The following RAB23 variants were observed in gnomAD, a reference collection of about 807,000 sequenced individuals.
The protein encoded by RAB23 is RAB23, member RAS oncogene family.
In RAB23, 15 loss-of-function variants were observed where a neutral mutation model predicts 30.0. The observed-to-expected ratio is 0.50, with a 90% confidence interval of 0.33 to 0.77. The LOEUF (loss-of-function observed/expected upper bound fraction) is 0.77, where lower values mean the gene tolerates loss of function less well. Among genes scored for constraint, RAB23 ranks in the 30% least tolerant of loss-of-function variants. The probability of loss-of-function intolerance (pLI) is 0.02; values close to 1 mark genes in which losing one functional copy is unlikely to be tolerated. For missense variants in RAB23, 243 were observed against 275.4 expected (o/e 0.88, Z 0.83); for synonymous variants, 93 against 94.0 (o/e 0.99, Z 0.06).
At chr6:57,203,009 T>G (rs1223143422) in intron 3 of RAB23, among the ~76,000 whole-genome samples, 4 of 140,454 alleles carry the variant, frequency 2.8e-5, no homozygotes, top group Non-Finnish European at 3.1e-5. Context: ...TGTTTTTTTT[T>G]TTTTTTTTTT....
Position 57,187,414 on chromosome 6 carries a change from A to G in RAB23, c.*3047T>C, listed in dbSNP as rs777516864. 1.3e-4 allele frequency: 20 copies of G among 152,174 alleles called. No individual in the cohort carries two copies. The highest frequency in any genetic ancestry group is 8.5e-4 in the Admixed American group (13 of 15,286). 9.4% of individuals were successfully genotyped at this position (152,174 alleles called of 1,614,324 possible). On this transcript the variant is annotated 3_prime_UTR_variant, in exon 7 of 7. Coordinates refer to ENST00000468148, the MANE Select transcript of RAB23 (RefSeq NM_016277.5). ...TTACATGTTTTATAGCTGAAAACCT[A>G]AGGAGTGACAATAGTACATGTGACA...
At chr6:57,198,672 C>G (rs937255473) in intron 3 of RAB23, among the ~76,000 whole-genome samples, 1 of 150,262 alleles carries the variant, frequency 6.7e-6, no homozygotes, top group Non-Finnish European at 1.5e-5. Context: ...AAGGGTGAGA[C>G]TCTGTCTAAA....
chr6:57,221,326 C>G (rs1380342683), intron 1 of RAB23: 1 of 152,248 alleles, frequency 6.6e-6, no homozygotes, highest in African/African-American at 2.4e-5. Context: ...TACTCTCACA[C>G]GCTCTCAGGT....
At chr6:57,207,750 A>T in intron 2 of RAB23, 37 bp from the exon 3 acceptor site, 1 of 1,394,248 alleles carries the variant, frequency 7.2e-7, no homozygotes, top group Non-Finnish European at 1.0e-6. Context: ...TATGTAAAGG[A>T]AAATGTTTTT....
At chr6:57,205,098 ATATATATACACTGTGTG>A (rs1409136414) in intron 3 of RAB23, among the ~76,000 whole-genome samples, 1 of 150,170 alleles carries the variant, frequency 6.7e-6, no homozygotes, top group African/African-American at 2.4e-5. Context: ...GCATTTATAA[ATATATATACACTGTGTG>A]TATATATACA....
At chr6:57,210,551 T>C (rs986779128) in intron 1 of RAB23, 106 bp from the exon 2 acceptor site, 3 of 724,256 alleles carry the variant, frequency 4.1e-6, no homozygotes, top group African/African-American at 1.8e-5. Context: ...TGTGTTTTCA[T>C]AACTGAGGTC....
chr6:57,195,429 T>C (rs527503219), intron 4 of RAB23, among the ~76,000 whole-genome samples: 16 of 152,338 alleles, frequency 1.1e-4, no homozygotes, highest in African/African-American at 3.6e-4. Flanking sequence ...TTAGAGACTG[T>C]TGTAACCATG....
chr6:57,211,014 A>G (rs1765633422), intron 1 of RAB23, among the ~76,000 whole-genome samples: 1 of 152,266 alleles, frequency 6.6e-6, no homozygotes, highest in Admixed American at 6.5e-5. Context: ...TCACAGTCAA[A>G]GCAGTCAAAA....
chr6:57,200,373 C>T (rs934326247), intron 3 of RAB23, among the ~76,000 whole-genome samples: 1 of 151,144 alleles, frequency 6.6e-6, no homozygotes, highest in Non-Finnish European at 1.5e-5. Flanking sequence ...CTTGTCTCTA[C>T]TAAAAATACA....
intron 4 of RAB23, 108 bp downstream of exon 4, chr6:57,196,342 A>G: frequency 7.6e-7 from 1 of 1,322,204 alleles, no homozygotes; most frequent in South Asian, 1.2e-5. Context: ...AAAGCCTTCA[A>G]AATGAAAGTA....
intron 6 of RAB23, among the ~76,000 whole-genome samples, chr6:57,191,541 T>G (rs1413794110): frequency 2.0e-5 from 3 of 151,590 alleles, no homozygotes; most frequent in African/African-American, 7.3e-5. Context: ...CTTCCGCCTC[T>G]TGGAGTCAAT....
chr6:57,214,114 T>A (rs1765752985), intron 1 of RAB23, among the ~76,000 whole-genome samples: 1 of 151,910 alleles, frequency 6.6e-6, no homozygotes, highest in Non-Finnish European at 1.5e-5. Flanking sequence ...CTACCCCTTT[T>A]CACCTCTACT....
chr6:57,197,921 TTTG>T (rs918747420), intron 3 of RAB23, among the ~76,000 whole-genome samples: 2 of 151,998 alleles, frequency 1.3e-5, no homozygotes, highest in African/African-American at 4.8e-5. Context: ...TCTTTGTTTT[TTTG>T]TTTTGTTTTG....
intron 3 of RAB23, among the ~76,000 whole-genome samples, chr6:57,198,021 C>T (rs1765092817): frequency 6.6e-6 from 1 of 152,154 alleles, no homozygotes; most frequent in Non-Finnish European, 1.5e-5. Context: ...AGCAATCTGC[C>T]TGCCTCAGCC....
At chr6:57,218,792 C>T (rs185417933) in intron 1 of RAB23, among the ~76,000 whole-genome samples, 1 of 150,522 alleles carries the variant, frequency 6.6e-6, no homozygotes, top group Admixed American at 6.7e-5. Context: ...GCAGAGGTTG[C>T]AGTGAGCTGA....
intron 3 of RAB23, among the ~76,000 whole-genome samples, chr6:57,201,633 G>C (rs1765272913): frequency 6.6e-6 from 1 of 152,100 alleles, no homozygotes; most frequent in African/African-American, 2.4e-5. Flanking sequence ...CCTTATGAAG[G>C]TTTCTTTGTC....
At chr6:57,199,163 G>A (rs1765140313) in intron 3 of RAB23, among the ~76,000 whole-genome samples, 1 of 152,246 alleles carries the variant, frequency 6.6e-6, no homozygotes, top group Non-Finnish European at 1.5e-5. Context: ...TCCTGTGCCA[G>A]TTGCTCCTGC....
chr6:57,210,105 T>A, intron 2 of RAB23, 121 bp downstream of exon 2: 1 of 1,016,994 alleles, frequency 9.8e-7, no homozygotes, highest in Non-Finnish European at 1.5e-6. Context: ...CACTGTCGCA[T>A]GAGCATTGCC....
chr6:57,188,597 T>C lies in RAB23; in HGVS notation c.*1864A>G, dbSNP rs962163355. ...AAAGAGGAGAGTAGAGAGTAGAAAATTGAAGAGAGTAGAAAAGATGACTCA... is the reference window on the plus strand; with the variant it reads ...AAAGAGGAGAGTAGAGAGTAGAAAACTGAAGAGAGTAGAAAAGATGACTCA... On this transcript the variant is annotated 3_prime_UTR_variant, in exon 7 of 7. Coordinates refer to ENST00000468148, the MANE Select transcript of RAB23 (RefSeq NM_016277.5). 6.6e-6 allele frequency: 1 copy of C among 152,144 alleles called. No homozygotes were observed. The highest frequency in any genetic ancestry group is 6.5e-5 in the Admixed American group (1 of 15,288). 9.4% of individuals were successfully genotyped at this position (152,144 alleles called of 1,614,324 possible).
Sources: gnomAD v4.1 joint callset for allele counts (sites outside exome capture counted in the v4.1 genomes callset) on GRCh38, gnomAD v4.1.1 for gene constraint, MANE v1.5 for transcripts, NCBI Gene and HGNC (gene_info 2026-07-23, HGNC 2026-07-21) for gene names.